Variants in RELN observed in about 807,000 individuals in gnomAD.
RELN encodes reelin.
RELN carries 108 observed loss-of-function variants against 427.6 expected under a neutral mutation model. The observed-to-expected ratio is 0.25, with a 90% CI of 0.22 to 0.30. The LOEUF (loss-of-function observed/expected upper bound fraction) is 0.30. RELN is among the 10% of genes least tolerant of loss of function. The pLI is 1.00. For missense variants in RELN, 3,715 were observed against 4,302.8 expected, an observed-to-expected ratio of 0.86 and a Z score of 3.82; for synonymous variants, 1,524 against 1,513.4, an observed-to-expected ratio of 1.01 and a Z score of -0.16.
At chr7:103,939,699 T>C (rs1796068268) in intron 1 of RELN, among the ~76,000 whole-genome samples, 1 of 152,200 alleles carries the variant, frequency 6.6e-6, no homozygotes, top group African/African-American at 2.4e-5. Flanking sequence ...TATACCACAA[T>C]GCTATTTACA....
At chr7:103,724,903 A>G (rs1439364362) in intron 7 of RELN, among the ~76,000 whole-genome samples, 1 of 151,814 alleles carries the variant, frequency 6.6e-6, no homozygotes, top group Non-Finnish European at 1.5e-5. Context: ...TATAAATTAT[A>G]CCTATATTTA....
chr7:103,661,169 AG>A (rs1833131185), intron 12 of RELN, among the ~76,000 whole-genome samples: 1 of 152,176 alleles, frequency 6.6e-6, no homozygotes, highest in Non-Finnish European at 1.5e-5. Flanking sequence ...CATCATGGCA[AG>A]CCATGACTAG....
chr7:103,568,863 G>A (rs981199617), intron 31 of RELN, among the ~76,000 whole-genome samples: 3 of 152,188 alleles, frequency 2.0e-5, no homozygotes, highest in South Asian at 2.1e-4. Flanking sequence ...ATTGTCACTG[G>A]CTGGTCCTTT....
At chr7:103,765,029 G>A (rs564362393) in intron 4 of RELN, among the ~76,000 whole-genome samples, 2 of 151,754 alleles carry the variant, frequency 1.3e-5, no homozygotes, top group South Asian at 2.1e-4. Context: ...GAGTGCTGGC[G>A]GTAGAGGCCA....
At chr7:103,528,495 T>TTA (rs1442258230) in intron 46 of RELN, among the ~76,000 whole-genome samples, 3 of 151,736 alleles carry the variant, frequency 2.0e-5, no homozygotes, top group Non-Finnish European at 2.9e-5. Context: ...TTTTTTTTTT[T>TTA]ATTTAGTAAT....
chr7:103,590,070 G>A (rs1298845691), intron 27 of RELN, among the ~76,000 whole-genome samples: 2 of 152,160 alleles, frequency 1.3e-5, no homozygotes, highest in African/African-American at 4.8e-5. Context: ...TGGGATTATA[G>A]GAGAGAAGAG....
At chr7:103,480,198 A>C (rs971399388) in intron 63 of RELN, among the ~76,000 whole-genome samples, 12 of 152,190 alleles carry the variant, frequency 7.9e-5, no homozygotes, top group Non-Finnish European at 1.0e-4. Context: ...GAATGCTTTC[A>C]GTTAATAGGG....
intron 2 of RELN, among the ~76,000 whole-genome samples, chr7:103,864,311 A>AG (rs1794141993): frequency 6.6e-6 from 1 of 152,184 alleles, no homozygotes; most frequent in Non-Finnish European, 1.5e-5. Context: ...ACTTAATACG[A>AG]GGTCCACCCT....
At chr7:103,625,978 T>C (rs1025945936) in intron 20 of RELN, among the ~76,000 whole-genome samples, 12 of 151,902 alleles carry the variant, frequency 7.9e-5, no homozygotes, top group Admixed American at 2.6e-4. Context: ...TGGTTAGAGT[T>C]GGAGTAAGGG....
At chr7:103,726,542 T>C (rs1199732942) in intron 7 of RELN, among the ~76,000 whole-genome samples, 1 of 152,120 alleles carries the variant, frequency 6.6e-6, no homozygotes, top group Non-Finnish European at 1.5e-5. Flanking sequence ...AACGGGGATA[T>C]AGTGAAACAA....
In RELN at chr7:103,611,623, G is replaced by C; in HGVS notation, c.2883C>G (p.His961Gln). ...AAACTAGACTTACTTCTTGGACGAG[G>C]TGCCAGGTAAGGCCGTGGTTGGTTG... ...EYSTNHGLTW[H>Q]LVQEECLPSM... is the part of the protein sequence containing the mutation. The change falls in exon 21 of 65, where the codon CAC becomes CAG. Residue 961 changes from histidine (H) to glutamine (Q), a missense_variant. His to Gln is a conservative substitution (Grantham distance 24). This residue lies in a region of RELN where 2,208 missense variants were observed against 2,361.7 expected (regional missense o/e 0.93). Coordinates refer to ENST00000428762, the MANE Select transcript of RELN (RefSeq NM_005045.4). 1 of 1,613,516 alleles carries C rather than the reference G, an allele frequency of 6.2e-7. No individual in the cohort carries two copies. Among genetic ancestry groups the C allele is most frequent in the Non-Finnish European group, 8.5e-7 (1 of 1,179,786 alleles).
chr7:103,666,682 G>A (rs1833274716), intron 11 of RELN, among the ~76,000 whole-genome samples: 1 of 152,166 alleles, frequency 6.6e-6, no homozygotes, highest in Non-Finnish European at 1.5e-5. Flanking sequence ...GCGTTTGTGA[G>A]CATCTTGGAG....
chr7:103,909,245 C>A (rs1044177716), intron 2 of RELN, among the ~76,000 whole-genome samples: 3 of 152,002 alleles, frequency 2.0e-5, no homozygotes, highest in African/African-American at 7.2e-5. Context: ...GGAGTATGGG[C>A]CTTGGCGATA....
At chr7:103,753,148 T>G in intron 5 of RELN, 34 bp downstream of exon 5, 1 of 1,610,640 alleles carries the variant, frequency 6.2e-7, no homozygotes, top group Non-Finnish European at 8.5e-7. Context: ...GATCAAGTAC[T>G]AAAGTTAATG....
chr7:103,966,830 T>G (rs976330726), intron 1 of RELN, among the ~76,000 whole-genome samples: 5 of 152,230 alleles, frequency 3.3e-5, no homozygotes, highest in Non-Finnish European at 7.3e-5. Context: ...AATTATACAC[T>G]GAATAAATCC....
chr7:103,637,784 AC>A (rs1832614755), intron 17 of RELN, among the ~76,000 whole-genome samples: 1 of 152,194 alleles, frequency 6.6e-6, no homozygotes, highest in African/African-American at 2.4e-5. Context: ...TAAATTGAAC[AC>A]ATTTTAAAGT....
intron 1 of RELN, among the ~76,000 whole-genome samples, chr7:103,970,860 T>A (rs542133677): frequency 6.6e-5 from 10 of 152,284 alleles, no homozygotes; most frequent in African/African-American, 9.6e-5. Context: ...ACTCTTTTTT[T>A]AAAAAGTAGT....
At chr7:103,952,311 T>C (rs1796348464) in intron 1 of RELN, among the ~76,000 whole-genome samples, 2 of 152,222 alleles carry the variant, frequency 1.3e-5, no homozygotes, top group Non-Finnish European at 2.9e-5. Flanking sequence ...GGGAAAATGA[T>C]AGAATGTTAG....
chr7:103,649,899 G>C (rs914708438), intron 16 of RELN, among the ~76,000 whole-genome samples: 1 of 151,982 alleles, frequency 6.6e-6, no homozygotes, highest in Non-Finnish European at 1.5e-5. Flanking sequence ...TAGTTACTAA[G>C]AGAAGAATGG....
Sources: allele counts gnomAD v4.1 joint callset (sites outside exome capture counted in the v4.1 genomes callset), GRCh38; gene constraint gnomAD v4.1.1; regional missense constraint gnomAD v4.1.1; transcripts MANE v1.5; gene names NCBI Gene and HGNC (gene_info 2026-07-23, HGNC 2026-07-21).